Variants in HSF5 observed in about 807,000 individuals in gnomAD.
HSF5 encodes the protein heat shock transcription factor 5.
A neutral mutation model predicts 50.8 loss-of-function variants in HSF5; 5 were observed. The ratio of observed to expected loss-of-function variants is 0.10; its 90% CI spans 0.05 to 0.21. HSF5 has a LOEUF of 0.21. Among genes scored for constraint, HSF5 ranks in the 10% least tolerant of loss-of-function variants. HSF5 has a pLI of 1.00. For synonymous variants in HSF5, 307 were observed against 307.4 expected (o/e 1.00, Z 0.02); for missense variants, 564 against 762.6 (o/e 0.74, Z 3.07).
intron 2 of HSF5, among the ~76,000 whole-genome samples, chr17:58,478,090 T>C (rs1975041741): frequency 6.6e-6 from 1 of 151,882 alleles, no homozygotes. Context: ...GTAAAAAGCA[T>C]ACCACATGAT....
chr17:58,432,128 A>G (rs1974372919), intron 5 of HSF5, among the ~76,000 whole-genome samples: 1 of 152,192 alleles, frequency 6.6e-6, no homozygotes, highest in Admixed American at 6.5e-5. Context: ...TAAATTTTTA[A>G]AAAGTACATT....
chr17:58,461,792 C>T lies in HSF5; in HGVS notation c.1542+990G>A, dbSNP rs903435347. Among the ~76,000 whole-genome samples, 7 of 152,276 alleles carry T rather than the reference C, an allele frequency of 4.6e-5. No individual in the cohort carries two copies. The East Asian group carries it at 1.3e-3, about 29-fold the overall frequency. ...GGATAAGGCAGGAGAATCGTTTGAA[C>T]CCAGGAGGTGGAGGCTGCAGTGAGC... On this transcript the variant is annotated intron_variant, in intron 4 of 5. Transcript: ENST00000323777.
chr17:58,460,268 C>G (rs1262551482), intron 4 of HSF5, among the ~76,000 whole-genome samples: 1 of 152,144 alleles, frequency 6.6e-6, no homozygotes. Context: ...ATCCTCCCAC[C>G]TCAGCTTCCA....
intron 5 of HSF5, among the ~76,000 whole-genome samples, chr17:58,435,316 A>G (rs942214297): frequency 6.6e-5 from 10 of 152,134 alleles, no homozygotes; most frequent in Non-Finnish European, 1.2e-4. Flanking sequence ...TGGGAGGCCA[A>G]GGTGGGTAGA....
chr17:58,487,454 G>A (rs762040426), intron 1 of HSF5, among the ~76,000 whole-genome samples: 3 of 152,224 alleles, frequency 2.0e-5, no homozygotes, highest in Non-Finnish European at 2.9e-5. Flanking sequence ...GAGCCTAAGA[G>A]GCGGAGGTCC....
chr17:58,476,862 C>T, intron 2 of HSF5: 1 of 1,384,354 alleles, frequency 7.2e-7, no homozygotes, highest in Non-Finnish European at 1.0e-6. Context: ...TCAATTGCTT[C>T]TTGCTGTTTT....
chr17:58,442,390 G>A (rs953317136), intron 5 of HSF5, among the ~76,000 whole-genome samples: 6 of 152,174 alleles, frequency 3.9e-5, no homozygotes, highest in Non-Finnish European at 8.8e-5. Flanking sequence ...AAGATAAGTA[G>A]GGAAAGTGGC....
intron 1 of HSF5, among the ~76,000 whole-genome samples, chr17:58,487,080 G>C (rs539735156): frequency 5.3e-5 from 8 of 151,836 alleles, no homozygotes; most frequent in Middle Eastern, 3.2e-3. Context: ...GCTAATTTTT[G>C]TATTTTTAGT....
At chr17:58,456,415 G>A (rs1974714159) in intron 5 of HSF5, among the ~76,000 whole-genome samples, 1 of 152,120 alleles carries the variant, frequency 6.6e-6, no homozygotes, top group Admixed American at 6.5e-5. Flanking sequence ...GGGGAAAGTA[G>A]GAAAGTGGGG....
At chr17:58,464,393 T>C (rs1308312677) in intron 3 of HSF5, among the ~76,000 whole-genome samples, 1 of 152,186 alleles carries the variant, frequency 6.6e-6, no homozygotes, top group Non-Finnish European at 1.5e-5. Flanking sequence ...AAAGTTACAA[T>C]GAAATAACTG....
In HSF5 at chr17:58,476,503, C is replaced by T. The variant is rs1975013724; in HGVS notation, c.925+3390G>A. On this transcript the variant is annotated intron_variant, in intron 2 of 5. Coordinates refer to ENST00000323777, the MANE Select transcript of HSF5 (RefSeq NM_001080439.3). ...TTCAGTGGACTTTGAAGATGGATCA[C>T]CACTCTTATTCAGATGAAATTCTTT... 5 of 1,157,220 alleles carry T rather than the reference C, an allele frequency of 4.3e-6. No individual in the cohort carries two copies. In the Admixed American group the frequency reaches 6.8e-5, roughly 16 times the overall value. The allele number at this position is 1,157,220 out of a possible 1,614,324, so 71.7% of individuals were successfully genotyped here.
At chr17:58,423,344 T>C (rs1320883440) in intron 5 of HSF5, among the ~76,000 whole-genome samples, 1 of 152,112 alleles carries the variant, frequency 6.6e-6, no homozygotes, top group Non-Finnish European at 1.5e-5. Flanking sequence ...GGTTCTGTAA[T>C]ACAAAAAAGC....
At chr17:58,455,742 A>G (rs1974702324) in intron 5 of HSF5, among the ~76,000 whole-genome samples, 1 of 152,188 alleles carries the variant, frequency 6.6e-6, no homozygotes, top group East Asian at 1.9e-4. Flanking sequence ...AAAAATGCTC[A>G]ATATCACCAA....
intron 5 of HSF5, among the ~76,000 whole-genome samples, chr17:58,429,692 C>T (rs934961795): frequency 6.6e-6 from 1 of 150,700 alleles, no homozygotes; most frequent in African/African-American, 2.4e-5. Context: ...ACTAAAAATA[C>T]AAAATCAGCC....
intron 1 of HSF5, 99 bp from the exon 2 acceptor site, chr17:58,480,366 C>T: frequency 3.5e-6 from 4 of 1,153,784 alleles, no homozygotes; most frequent in Non-Finnish European, 4.9e-6. Context: ...ACCTATCAGC[C>T]ATTTTTAACA....
chr17:58,472,163 G>A (rs955442400), intron 2 of HSF5, among the ~76,000 whole-genome samples: 26 of 151,918 alleles, frequency 1.7e-4, no homozygotes, highest in African/African-American at 6.0e-4. Context: ...AGCCTTCTAG[G>A]ACCATTTAAA....
Position 58,421,618 on chromosome 17 carries a change from T to A in HSF5, c.*742A>T, listed in dbSNP as rs1470532000. 6.6e-6 allele frequency: 1 copy of A among 152,294 alleles called. No individual in the cohort carries two copies. The highest frequency in any genetic ancestry group is 2.4e-5 in the African/African-American group (1 of 41,442). The allele number at this position is 152,294 out of a possible 1,614,324, so 9.4% of individuals were successfully genotyped here. A position where few individuals can be genotyped will look rare whatever the true frequency, so the allele number is the denominator to read the frequency against. Reference sequence around the variant, plus strand: ...AGTTAAATACTTTCTTTAAAGACATTTAAATAAGTGATATATTAATAAAAT... The same window carrying A: ...AGTTAAATACTTTCTTTAAAGACATATAAATAAGTGATATATTAATAAAAT... On this transcript the variant is annotated 3_prime_UTR_variant, in exon 6 of 6. Coordinates refer to ENST00000323777, the MANE Select transcript of HSF5 (RefSeq NM_001080439.3).
At chr17:58,473,347 CAA>C (rs1264808807) in intron 2 of HSF5, among the ~76,000 whole-genome samples, 1 of 151,732 alleles carries the variant, frequency 6.6e-6, no homozygotes, top group African/African-American at 2.4e-5. Flanking sequence ...GAAAAAAAGG[CAA>C]AGTTGATTTT....
chr17:58,459,017 G>A lies in HSF5; in HGVS notation c.1543-72C>T, dbSNP rs1974753662. 2.2e-6 allele frequency: 3 copies of A among 1,361,632 alleles called. No individual in the cohort carries two copies. In the African/African-American group the frequency reaches 4.3e-5, roughly 20 times the overall value. The allele number at this position is 1,361,632 out of a possible 1,614,324, so 84.3% of individuals were successfully genotyped here. A position where few individuals can be genotyped will look rare whatever the true frequency, so the allele number is the denominator to read the frequency against. ...TGCTAAAAGTTAAGATATTTTATCA[G>A]AGGAGTTCTATTATGGGAACATGAT... On this transcript the variant is annotated intron_variant, in intron 4 of 5. Coordinates refer to ENST00000323777, the MANE Select transcript of HSF5 (RefSeq NM_001080439.3).
Sources: allele counts gnomAD v4.1 joint callset (sites outside exome capture counted in the v4.1 genomes callset), GRCh38; gene constraint gnomAD v4.1.1; transcripts MANE v1.5; gene names NCBI Gene and HGNC (gene_info 2026-07-23, HGNC 2026-07-21).